RALGPS1: variants seen among roughly 807,000 people sequenced by gnomAD.
The protein encoded by RALGPS1 is ras-specific guanine nucleotide-releasing factor RalGPS1.
Under a neutral mutation model 78.8 loss-of-function variants are expected in RALGPS1, and 19 were observed. The ratio of observed to expected loss-of-function variants is 0.24; its 90% CI spans 0.17 to 0.35. RALGPS1 has a LOEUF of 0.35. Ranked by LOEUF, RALGPS1 falls within the 10% of genes least tolerant of loss-of-function variation. RALGPS1 has a pLI of 1.00. For missense variants in RALGPS1, 454 were observed against 688.3 expected (o/e 0.66, Z 3.81); for synonymous variants, 228 against 256.3 (o/e 0.89, Z 1.06).
At chr9:127,167,848 G>A (rs951645649) in intron 9 of RALGPS1, among the ~76,000 whole-genome samples, 1 of 152,082 alleles carries the variant, frequency 6.6e-6, no homozygotes, top group Non-Finnish European at 1.5e-5. Flanking sequence ...GGCTTGTTCT[G>A]TCCCACCCAG....
intron 11 of RALGPS1, among the ~76,000 whole-genome samples, chr9:127,189,371 C>T (rs913219887): frequency 6.6e-6 from 1 of 152,180 alleles, no homozygotes; most frequent in Admixed American, 6.5e-5. Flanking sequence ...CCCCTGTCTC[C>T]ATCAGTGGGA....
intron 8 of RALGPS1, among the ~76,000 whole-genome samples, chr9:127,120,561 C>T (rs1325719266): frequency 2.6e-5 from 4 of 152,232 alleles, no homozygotes; most frequent in Admixed American, 6.5e-5. Context: ...CAGTGGCTCA[C>T]GCCTGCAATC....
In RALGPS1 at chr9:127,153,375, CTTTT is replaced by C. The variant is rs60308901; in HGVS notation, c.611-12673_611-12670del. On this transcript the variant is annotated intron_variant, in intron 8 of 18. Transcript: ENST00000259351. The stretch of plus-strand genomic sequence containing the variant: ...CACGTAAATGTATGCTAGAGGATTA[CTTTT>C]TTTTTTTTTTTTTTTTTTTTAGCAG... 1.6e-3 allele frequency among the ~76,000 whole-genome samples: 160 copies of C among 102,110 alleles called. 1 individual carries two copies. Among genetic ancestry groups the C allele is most frequent in the African/African-American group, 5.2e-3 (143 of 27,712 alleles). The allele number at this position is 102,110 out of a possible 152,430, so 67.0% of individuals were successfully genotyped here.
chr9:127,135,476 GC>G (rs1229287453), intron 8 of RALGPS1, among the ~76,000 whole-genome samples: 1 of 152,212 alleles, frequency 6.6e-6, no homozygotes, highest in East Asian at 1.9e-4. Flanking sequence ...AGGGACATGT[GC>G]CCCTGTGGCA....
At chr9:127,003,603 A>C (rs1175548250) in intron 4 of RALGPS1, among the ~76,000 whole-genome samples, 4 of 152,300 alleles carry the variant, frequency 2.6e-5, no homozygotes, top group African/African-American at 9.6e-5. Flanking sequence ...CCTTGGATGC[A>C]ATGTGTGGGA....
At chr9:126,953,306 C>A (rs1289299318) in intron 1 of RALGPS1, among the ~76,000 whole-genome samples, 4 of 152,050 alleles carry the variant, frequency 2.6e-5, no homozygotes, top group Non-Finnish European at 5.9e-5. Flanking sequence ...CACTTTTTCT[C>A]CTGCAGTGTT....
chr9:126,966,886 C>G (rs1032503159), intron 3 of RALGPS1, among the ~76,000 whole-genome samples: 1 of 152,118 alleles, frequency 6.6e-6, no homozygotes, highest in Admixed American at 6.5e-5. Context: ...TTTGCCATGA[C>G]TTGGTTTCCT....
rs562437360 is a variant in RALGPS1, at chr9:127,121,538, A to C, written c.611-44531A>C. 1.6e-4 allele frequency among the ~76,000 whole-genome samples: 24 copies of C among 152,346 alleles called. 1 individual carries two copies. In the South Asian group the frequency reaches 5.0e-3, roughly 32 times the overall value. On this transcript the variant is annotated intron_variant, in intron 8 of 18. Coordinates refer to ENST00000259351, the MANE Select transcript of RALGPS1 (RefSeq NM_014636.3). ...GCAAGAGCTGACCCATGACACACAT[A>C]TCATAGAAGGAGAAGGGAAGGATCA...
At chr9:127,192,222 G>T (rs1465326271) in intron 11 of RALGPS1, among the ~76,000 whole-genome samples, 2 of 152,258 alleles carry the variant, frequency 1.3e-5, no homozygotes, top group African/African-American at 4.8e-5. Context: ...GCAGGGAGGG[G>T]CTGTGCAGAG....
At chr9:126,987,648 G>A (rs116323512) in intron 4 of RALGPS1, among the ~76,000 whole-genome samples, 3 of 152,134 alleles carry the variant, frequency 2.0e-5, no homozygotes, top group Non-Finnish European at 4.4e-5. Context: ...TTTCAGTGAG[G>A]TGGAAAGCTT....
chr9:126,985,273 G>A (rs1004868090), intron 4 of RALGPS1, among the ~76,000 whole-genome samples: 3 of 152,162 alleles, frequency 2.0e-5, no homozygotes, highest in African/African-American at 7.2e-5. Context: ...CAGTTGACCT[G>A]AACTGACCCG....
intron 4 of RALGPS1, among the ~76,000 whole-genome samples, chr9:127,009,595 A>G (rs2044165212): frequency 6.6e-6 from 1 of 152,182 alleles, no homozygotes; most frequent in African/African-American, 2.4e-5. Flanking sequence ...AATCTACTGA[A>G]GGGGTTGTGA....
intron 8 of RALGPS1, among the ~76,000 whole-genome samples, chr9:127,153,234 G>T (rs1336821984): frequency 1.3e-5 from 2 of 151,754 alleles, no homozygotes; most frequent in Non-Finnish European, 2.9e-5. Flanking sequence ...AGCCAGGGCA[G>T]GGGGAGAGCA....
chr9:127,219,059 G>A lies in RALGPS1; in HGVS notation c.*290G>A, dbSNP rs2062706117. On this transcript the variant is annotated 3_prime_UTR_variant, in exon 19 of 19. Coordinates refer to ENST00000259351, the MANE Select transcript of RALGPS1 (RefSeq NM_014636.3). The surrounding 1 kb of genome is among the most constrained non-coding windows in gnomAD (Gnocchi z 5.0). ...CCCACCACCTGCATCTGCGACTAGAGAGCACCCGGCCCACGTTGGGTTCTC... is the reference window on the plus strand; with the variant it reads ...CCCACCACCTGCATCTGCGACTAGAAAGCACCCGGCCCACGTTGGGTTCTC... 2.0e-6 allele frequency: 1 copy of A among 496,326 alleles called. No individual in the cohort carries two copies. Among genetic ancestry groups the A allele is most frequent in the Non-Finnish European group, 3.7e-6 (1 of 271,184 alleles). 30.7% of individuals were successfully genotyped at this position (496,326 alleles called of 1,614,324 possible). A position where few individuals can be genotyped will look rare whatever the true frequency, so the allele number is the denominator to read the frequency against.
At chr9:127,094,006 A>T (rs922317693) in intron 8 of RALGPS1, 1 of 1,516,204 alleles carries the variant, frequency 6.6e-7, no homozygotes, top group African/African-American at 1.4e-5. Context: ...AAGCAGGCAC[A>T]ACCTCTGTTG....
chr9:126,967,153 C>A (rs902595814), intron 3 of RALGPS1, among the ~76,000 whole-genome samples: 1 of 152,128 alleles, frequency 6.6e-6, no homozygotes, highest in African/African-American at 2.4e-5. Flanking sequence ...CCATACTGAG[C>A]CTGGCACATG....
chr9:126,989,109 C>T (rs190630026), intron 4 of RALGPS1, among the ~76,000 whole-genome samples: 118 of 152,140 alleles, frequency 7.8e-4, no homozygotes, highest in African/African-American at 2.1e-3. Flanking sequence ...TCATCATCAT[C>T]GCTGAAGGAC....
chr9:127,192,438 A>G (rs2061118995), intron 11 of RALGPS1, among the ~76,000 whole-genome samples: 1 of 152,200 alleles, frequency 6.6e-6, no homozygotes, highest in African/African-American at 2.4e-5. Flanking sequence ...ATCTTAGGAA[A>G]GGGCAGATGG....
chr9:127,109,473 T>C (rs1434073462), intron 8 of RALGPS1, among the ~76,000 whole-genome samples: 1 of 152,240 alleles, frequency 6.6e-6, no homozygotes, highest in Non-Finnish European at 1.5e-5. Flanking sequence ...GTCACTGTGT[T>C]AGCTAAGCTA....
Sources: allele counts gnomAD v4.1 joint callset (sites outside exome capture counted in the v4.1 genomes callset), GRCh38; gene constraint gnomAD v4.1.1; non-coding constraint Gnocchi (gnomAD v3.1); transcripts MANE v1.5; gene names NCBI Gene and HGNC (gene_info 2026-07-23, HGNC 2026-07-21).